The following GSN variants were observed in gnomAD, a reference collection of about 807,000 sequenced individuals.
GSN encodes gelsolin, also known as actin-depolymerizing factor.
A neutral mutation model predicts 85.7 loss-of-function variants in GSN; 56 were observed. The ratio of observed to expected loss-of-function variants is 0.65; its 90% CI spans 0.53 to 0.82. The LOEUF (loss-of-function observed/expected upper bound fraction) is 0.82. GSN is among the 40% of genes least tolerant of loss of function. The pLI, the probability that GSN is intolerant of heterozygous loss-of-function variation, is 0.00. For missense variants in GSN, 857 were observed against 979.8 expected (o/e 0.87, Z 1.67); for synonymous variants, 373 against 399.1 (o/e 0.93, Z 0.78).
At chr9:121,222,659 G>A (rs183813875) in intron 4 of GSN, among the ~76,000 whole-genome samples, 22 of 152,348 alleles carry the variant, frequency 1.4e-4, no homozygotes, top group Admixed American at 1.2e-3. Context: ...ACCAACGTAT[G>A]TTAGCAGTGG....
intron 5 of GSN, chr9:121,238,979 G>T: frequency 1.9e-6 from 1 of 527,122 alleles, no homozygotes; most frequent in South Asian, 1.4e-5. Context: ...ACATTGATAG[G>T]TGGGTAAATC....
Position 121,326,521 on chromosome 9 carries a change from G to A in GSN, c.1426G>A (p.Val476Ile). Reference sequence around the variant, plus strand: ...CCTGTCTCCCTGCCAGAGCCGTGTGGTCCAAGGCAAGGAGCCCGCCCACCT... The same window carrying A: ...CCTGTCTCCCTGCCAGAGCCGTGTGATCCAAGGCAAGGAGCCCGCCCACCT... ...LGGTPVQSRV[V>I]QGKEPAHLMS... Residue 476 changes from valine to isoleucine, a missense_variant, in exon 13 of 18, where the codon GTC becomes ATC. By Grantham distance (29) the Val-to-Ile change is conservative. Coordinates refer to ENST00000432226, the MANE Select transcript of GSN (RefSeq NM_198252.3). 6.2e-7 allele frequency: 1 copy of A among 1,613,866 alleles called. No individual in the cohort carries two copies. Among genetic ancestry groups the A allele is most frequent in the African/African-American group, 1.3e-5 (1 of 75,028 alleles).
intron 4 of GSN, among the ~76,000 whole-genome samples, chr9:121,214,688 G>A (rs2054027919): frequency 6.6e-6 from 1 of 152,064 alleles, no homozygotes. Context: ...ATATTCCTAC[G>A]GAGCTCTTGT....
chr9:121,301,326 G>A (rs747250473), intron 2 of GSN, among the ~76,000 whole-genome samples: 4 of 152,116 alleles, frequency 2.6e-5, no homozygotes, highest in Non-Finnish European at 5.9e-5. Context: ...CATCCAATTG[G>A]CAATAAGAAA....
chr9:121,224,751 A>AG (rs1357143775), intron 4 of GSN, among the ~76,000 whole-genome samples: 1 of 151,330 alleles, frequency 6.6e-6, no homozygotes, highest in Admixed American at 6.6e-5. Context: ...GAAAAAAAAA[A>AG]AAAAAAGAAA....
chr9:121,322,792 C>G (rs571206852), intron 11 of GSN, among the ~76,000 whole-genome samples: 2 of 150,440 alleles, frequency 1.3e-5, no homozygotes, highest in East Asian at 1.9e-4. Context: ...ATTTCTCTTA[C>G]TATACAGTCT....
rs74981136 is a variant in GSN at position 121,272,234 on chromosome 9, C to T, written c.-103+4015C>T. The stretch of plus-strand genomic sequence containing the variant: ...CCCTCCCCTGCCATATGCCTGCTCT[C>T]GTCTGCCCTGCCTGGGACCACATCA... On this transcript the variant is annotated intron_variant, in intron 1 of 17. Coordinates refer to ENST00000432226, the MANE Select transcript of GSN (RefSeq NM_198252.3). Among the ~76,000 whole-genome samples the T allele has an allele frequency of 1.6e-3, 245 of 152,304 alleles. 8 individuals are homozygous for T. In the East Asian group the frequency reaches 0.037, roughly 23 times the overall value.
Position 121,274,519 on chromosome 9 carries a change from A to T in GSN, c.-103+6300A>T, listed in dbSNP as rs147175410. 7.4e-3 allele frequency among the ~76,000 whole-genome samples: 1,120 copies of T among 152,256 alleles called. 11 individuals carry two copies. Among genetic ancestry groups the T allele is most frequent in the Middle Eastern group, 0.034 (10 of 292 alleles). ...ATAGCTTTTTCTTGTTAAAAAAAAA[A>T]TTCAGTGACACTTGTGAAAACACGG... On this transcript the variant is annotated intron_variant, in intron 1 of 17. Transcript: ENST00000432226.
At chr9:121,326,405 C>T in intron 12 of GSN, 107 bp from the exon 13 acceptor site, 1 of 898,080 alleles carries the variant, frequency 1.1e-6, no homozygotes, top group Non-Finnish European at 1.8e-6. Flanking sequence ...ATGCCACACA[C>T]AGACACAAGC....
intron 4 of GSN, chr9:121,222,973 T>C (rs933658306): frequency 1.3e-5 from 2 of 152,158 alleles, no homozygotes; most frequent in Non-Finnish European, 2.9e-5. Context: ...GTGCGTTGTC[T>C]GCATGCACAG....
chr9:121,250,118 A>G (rs1231211863), intron 6 of GSN, among the ~76,000 whole-genome samples: 1 of 151,618 alleles, frequency 6.6e-6, no homozygotes, highest in African/African-American at 2.4e-5. Flanking sequence ...TTGTCTACAG[A>G]TGCTGTTACA....
chr9:121,228,049 A>G (rs529402139), intron 4 of GSN, among the ~76,000 whole-genome samples: 1 of 152,044 alleles, frequency 6.6e-6, no homozygotes, highest in African/African-American at 2.4e-5. Flanking sequence ...GGAAGTGGAC[A>G]CCCAGCCGCA....
In GSN at chr9:121,243,619, C is replaced by G. The variant is rs184088737; in HGVS notation, c.-388-4657C>G. ...GGGAGCAGCGTTTTGCTCTTGTTGC[C>G]CAGGCTGGAGTGCAATGGCACGATC... On this transcript the variant is annotated intron_variant, in intron 5 of 24. Transcript: ENST00000373823. 1.3e-4 allele frequency among the ~76,000 whole-genome samples: 20 copies of G among 152,170 alleles called. No homozygotes were observed. In the East Asian group the frequency reaches 3.9e-3, roughly 29 times the overall value.
chr9:121,229,129 A>C (rs955045630), intron 4 of GSN, among the ~76,000 whole-genome samples: 1 of 152,220 alleles, frequency 6.6e-6, no homozygotes, highest in Non-Finnish European at 1.5e-5. Flanking sequence ...TATAGAGAGC[A>C]CATAATTCTC....
intron 4 of GSN, among the ~76,000 whole-genome samples, chr9:121,211,162 T>G (rs1469789015): frequency 6.6e-6 from 1 of 152,152 alleles, no homozygotes; most frequent in Non-Finnish European, 1.5e-5. Flanking sequence ...GTGGTTCCCC[T>G]GGGGGTAGAG....
chr9:121,324,946 T>G (rs2062974095), intron 12 of GSN, among the ~76,000 whole-genome samples: 1 of 152,172 alleles, frequency 6.6e-6, no homozygotes, highest in Non-Finnish European at 1.5e-5. Context: ...CTATGACAGA[T>G]GCAGTGAGTG....
chr9:121,252,145 C>A (rs1356410777), intron 6 of GSN, among the ~76,000 whole-genome samples: 2 of 151,996 alleles, frequency 1.3e-5, no homozygotes, highest in African/African-American at 4.8e-5. Flanking sequence ...AGAGATGTGG[C>A]CAAACCAGGA....
chr9:121,327,605 T>A (rs1453920021), intron 14 of GSN, 123 bp downstream of exon 14: 1 of 768,872 alleles, frequency 1.3e-6, no homozygotes, highest in Non-Finnish European at 2.0e-6. Flanking sequence ...TGTCCCCTAA[T>A]GTATGTTAAA....
At position 121,329,587 on chromosome 9, in the gene GSN, C is replaced by T. The variant is rs1456826828; in HGVS notation, c.1965+272C>T. Among the ~76,000 whole-genome samples, 1 of 152,230 alleles carries T rather than the reference C, an allele frequency of 6.6e-6. No homozygotes were observed. The highest frequency in any genetic ancestry group is 1.5e-5 in the Non-Finnish European group (1 of 68,044). ...CAAATCACATGACCTTCATCATTCT[C>T]TCCCAGACCTTGCAGGAGCGTGAAC... is the stretch of plus-strand genomic sequence containing the variant. On this transcript the variant is annotated intron_variant, in intron 16 of 17. Transcript: ENST00000432226. This position sits in a 1 kb window ranked among gnomAD's most constrained non-coding sequence, Gnocchi z 4.6.
Sources: gnomAD v4.1 joint callset for allele counts (sites outside exome capture counted in the v4.1 genomes callset) on GRCh38, gnomAD v4.1.1 for gene constraint, Gnocchi (gnomAD v3.1) non-coding constraint, MANE v1.5 for transcripts, NCBI Gene and HGNC (gene_info 2026-07-23, HGNC 2026-07-21) for gene names.